The following ESR1 variants were observed in gnomAD, a reference collection of about 807,000 sequenced individuals.
ESR1 encodes the protein estrogen receptor.
A neutral mutation model predicts 52.7 loss-of-function variants in ESR1; 12 were observed. The observed-to-expected ratio is 0.23, with a 90% CI of 0.15 to 0.37. The LOEUF (loss-of-function observed/expected upper bound fraction) is 0.37, where lower values mean the gene tolerates loss of function less well. Among genes scored for constraint, ESR1 ranks in the 10% least tolerant of loss-of-function variants. The probability of loss-of-function intolerance (pLI) is 1.00; values close to 1 mark genes in which losing one functional copy is unlikely to be tolerated. For missense variants in ESR1, 584 were observed against 779.7 expected (o/e 0.75, Z 2.99); for synonymous variants, 305 against 316.8 (o/e 0.96, Z 0.39).
chr6:151,726,652 T>A (rs531749018), intron 2 of ESR1, among the ~76,000 whole-genome samples: 2 of 152,294 alleles, frequency 1.3e-5, no homozygotes, highest in East Asian at 1.9e-4. Flanking sequence ...TTTAAAAAAA[T>A]TTCAGTTTCT....
At chr6:151,810,501 A>T (rs910478906) in intron 1 of ESR1, among the ~76,000 whole-genome samples, 2 of 152,210 alleles carry the variant, frequency 1.3e-5, no homozygotes, top group African/African-American at 4.8e-5. Context: ...GACTCTGGGT[A>T]TAAAGGAAAG....
chr6:151,982,591 T>TCTCCTGCCTCAGC (rs2040098281), intron 4 of ESR1, among the ~76,000 whole-genome samples: 1 of 151,348 alleles, frequency 6.6e-6, no homozygotes, highest in Admixed American at 6.6e-5. Flanking sequence ...TTCAAGCCAG[T>TCTCCTGCCTCAGC]CTCCTGCCTC....
chr6:151,692,217 T>G (rs1181471742), intron 1 of ESR1, among the ~76,000 whole-genome samples: 2 of 152,210 alleles, frequency 1.3e-5, no homozygotes, highest in African/African-American at 4.8e-5. Context: ...CAATATTGGG[T>G]TTAGAGCTAG....
rs745641094 is a variant in ESR1, at chr6:151,944,372, G to A, written c.960G>A (p.Leu320=). 6.2e-7 allele frequency: 1 copy of A among 1,613,972 alleles called. No homozygotes were observed. Residue 320 remains leucine (L), a synonymous_variant, in exon 4 of 8, where the codon TTG becomes TTA. Transcript: ENST00000206249. ...CCGACCAGATGGTCAGTGCCTTGTT[G>A]GATGCTGAGCCCCCGATACTCTATT... ...LTADQMVSAL[L]DAEPPILYSE...
intron 6 of ESR1, among the ~76,000 whole-genome samples, chr6:152,124,357 A>G (rs1478328848): frequency 1.3e-5 from 2 of 152,206 alleles, no homozygotes; most frequent in Non-Finnish European, 2.9e-5. Flanking sequence ...GGCAGCACGC[A>G]GTGTTTCTAT....
chr6:151,965,368 T>C (rs994047894), intron 4 of ESR1, among the ~76,000 whole-genome samples: 2 of 152,188 alleles, frequency 1.3e-5, no homozygotes, highest in African/African-American at 4.8e-5. Context: ...ATCACATAAA[T>C]AATGAGTACA....
intron 1 of ESR1, among the ~76,000 whole-genome samples, chr6:151,668,511 C>T (rs970047712): frequency 1.3e-5 from 2 of 152,134 alleles, no homozygotes; most frequent in African/African-American, 2.4e-5. Context: ...TCTTGATCTC[C>T]TGACCTCGTG....
chr6:151,901,372 A>G (rs1209637092), intron 3 of ESR1, among the ~76,000 whole-genome samples: 2 of 152,208 alleles, frequency 1.3e-5, no homozygotes, highest in African/African-American at 4.8e-5. Flanking sequence ...GCCTCCCAGC[A>G]AAGAATGTAA....
chr6:151,753,764 T>C (rs1784079762), intron 2 of ESR1, among the ~76,000 whole-genome samples: 1 of 152,226 alleles, frequency 6.6e-6, no homozygotes, highest in South Asian at 2.1e-4. Context: ...TATCCTCCAG[T>C]TTCTGGTTTA....
In ESR1 at chr6:152,011,344, G is replaced by C. The variant is rs542076691; in HGVS notation, c.1097-312G>C. Among the ~76,000 whole-genome samples, 3 of 152,212 alleles carry C rather than the reference G, an allele frequency of 2.0e-5. 1 individual carries two copies. The South Asian group carries it at 6.2e-4, about 32-fold the overall frequency. ...ACAGTCACAGGTTACTATTATAGCT[G>C]TCTAAGTAGAAGGCACACAAGTTTT... On this transcript the variant is annotated intron_variant, in intron 4 of 7. Transcript: ENST00000206249.
chr6:151,998,411 T>A (rs1343829804), intron 4 of ESR1, among the ~76,000 whole-genome samples: 1 of 152,004 alleles, frequency 6.6e-6, no homozygotes, highest in East Asian at 1.9e-4. Context: ...AAACATTCAC[T>A]CAGAATCCTT....
At chr6:151,786,185 T>C (rs1178148274) in intron 2 of ESR1, among the ~76,000 whole-genome samples, 1 of 152,220 alleles carries the variant, frequency 6.6e-6, no homozygotes, top group Non-Finnish European at 1.5e-5. Context: ...AAGGATGCCC[T>C]GGATCACAAC....
At chr6:151,842,822 T>G in intron 2 of ESR1, 35 bp downstream of exon 2, 1 of 1,595,898 alleles carries the variant, frequency 6.3e-7, no homozygotes, top group African/African-American at 1.3e-5. Flanking sequence ...CTATTTTTGA[T>G]CCTATGAGCA....
At chr6:151,917,906 C>T (rs752795499) in intron 3 of ESR1, among the ~76,000 whole-genome samples, 7 of 152,284 alleles carry the variant, frequency 4.6e-5, no homozygotes, top group African/African-American at 7.2e-5. Flanking sequence ...ACGCTCCCTA[C>T]GTATTTGCTT....
chr6:152,079,557 A>T lies in ESR1; in HGVS notation c.1370-14828A>T, dbSNP rs1250389072. 2.6e-5 allele frequency among the ~76,000 whole-genome samples: 4 copies of T among 152,330 alleles called. No homozygotes were observed. In the East Asian group the frequency reaches 7.7e-4, roughly 29 times the overall value. ...AGAAACCAGAGCAGAAAAGTGGAAA[A>T]TTCCAAAAACCAGAGCGCCTCTTCT... On this transcript the variant is annotated intron_variant, in intron 6 of 7. Coordinates refer to ENST00000206249, the MANE Select transcript of ESR1 (RefSeq NM_000125.4).
intron 4 of ESR1, among the ~76,000 whole-genome samples, chr6:152,003,403 TTATC>T (rs1562656291): frequency 6.6e-6 from 1 of 151,476 alleles, no homozygotes; most frequent in South Asian, 2.1e-4. Flanking sequence ...AATGATTTAT[TTATC>T]TGTCTACTTT....
intron 2 of ESR1, among the ~76,000 whole-genome samples, chr6:151,709,583 T>TGTGCAAGG (rs1780434166): frequency 6.6e-6 from 1 of 152,072 alleles, no homozygotes; most frequent in East Asian, 1.9e-4. Context: ...CCACTAACAG[T>TGTGCAAGG]GTGCAAGGGT....
At chr6:151,803,936 G>A (rs1777519659), upstream of ESR1, among the ~76,000 whole-genome samples, 1 of 152,096 alleles carries the variant, frequency 6.6e-6, no homozygotes, top group South Asian at 2.1e-4. Flanking sequence ...AGCCTGCAAT[G>A]CCCAGCAGAC....
intron 2 of ESR1, among the ~76,000 whole-genome samples, chr6:151,709,033 T>TGTATG (rs1780382231): frequency 2.0e-5 from 3 of 152,184 alleles, no homozygotes; most frequent in Non-Finnish European, 1.5e-5. Context: ...TTAACTATAG[T>TGTATG]CACCATGTTG....
Sources: gnomAD v4.1 joint callset for allele counts (sites outside exome capture counted in the v4.1 genomes callset) on GRCh38, gnomAD v4.1.1 for gene constraint, MANE v1.5 for transcripts, NCBI Gene and HGNC (gene_info 2026-07-23, HGNC 2026-07-21) for gene names.